The following CD1A variants were observed in gnomAD, a reference collection of about 807,000 sequenced individuals.
CD1A encodes the protein T-cell surface glycoprotein CD1a.
CD1A carries 50 observed loss-of-function variants against 38.3 expected under a neutral mutation model. The observed-to-expected ratio is 1.30, with a 90% CI of 1.04 to 1.65. The LOEUF (loss-of-function observed/expected upper bound fraction) is 1.65. CD1A is among the 40% of genes most tolerant of loss of function. CD1A has a pLI of 0.00. For missense variants in CD1A, 459 were observed against 406.1 expected, an observed-to-expected ratio of 1.13 and a Z score of -1.12; for synonymous variants, 160 against 150.8, an observed-to-expected ratio of 1.06 and a Z score of -0.45.
At chr1:158,255,882 A>G (rs757425882) in intron 2 of CD1A, 122 bp from the exon 3 acceptor site, 76 of 1,019,114 alleles carry the variant, frequency 7.5e-5, no homozygotes, top group South Asian at 5.2e-4. Flanking sequence ...CCCTGACCAA[A>G]CCAAATTTTA....
In CD1A at chr1:158,254,735, C is replaced by T. The variant is rs1191652139; in HGVS notation, c.58+8C>T. ...GTGATGGCAATGCAGACGGTAAGAA[C>T]TCTGACAACTGCCCAGTTGGGTGGT... On this transcript the variant is annotated splice_region_variant and intron_variant, in intron 1 of 5. Coordinates refer to ENST00000289429, the MANE Select transcript of CD1A (RefSeq NM_001763.3). The T allele has an allele frequency of 6.3e-7, 1 of 1,596,826 alleles. No homozygotes were observed. Among genetic ancestry groups the T allele is most frequent in the Non-Finnish European group, 8.6e-7 (1 of 1,164,562 alleles).
chr1:158,257,416 C>T lies in CD1A; in HGVS notation c.884-5C>T, dbSNP rs1650297267. ...AACATCCTTGGTGTCTCCCCAAATT[C>T]ACAGAGCATCACAGTTCCGTGGGCT... On this transcript the variant is annotated splice_polypyrimidine_tract_variant and splice_region_variant and intron_variant, in intron 4 of 5. Transcript: ENST00000289429. The T allele has an allele frequency of 1.2e-6, 2 of 1,609,966 alleles. No homozygotes were observed. The highest frequency in any genetic ancestry group is 1.3e-5 in the African/African-American group (1 of 74,810).
upstream of CD1A, chr1:158,254,031 G>A (rs12060801): frequency 2.0e-5 from 1 of 51,210 alleles, no homozygotes; most frequent in Non-Finnish European, 3.0e-5. Context: ...TGTTCCTGTG[G>A]TTTTTTTTTT....
chr1:158,249,958 G>A (rs988508471), upstream of CD1A, among the ~76,000 whole-genome samples: 3 of 152,238 alleles, frequency 2.0e-5, no homozygotes, highest in South Asian at 2.1e-4. Flanking sequence ...GTATGGAGAT[G>A]CACTTGATTC....
At position 158,255,266 on chromosome 1, in the gene CD1A, A is replaced by G. The variant is rs1365519196; in HGVS notation, c.241A>G (p.Lys81Glu). Reference protein sequence around the residue: ...SRGNFSNEEWKELETLFRIRT... With the variant: ...SRGNFSNEEWEELETLFRIRT... ...GGGAAACTTCAGCAATGAGGAGTGG[A>G]AGGAACTGGAAACATTATTCCGTAT... Residue 81 changes from lysine (K) to glutamate (E), a missense_variant, in exon 2 of 6, where the codon AAG (lysine) becomes GAG (glutamate). Physicochemically the swap from Lys to Glu is moderately conservative, Grantham distance 56. Coordinates refer to ENST00000289429, the MANE Select transcript of CD1A (RefSeq NM_001763.3). 3.7e-6 allele frequency: 6 copies of G among 1,614,024 alleles called. No individual in the cohort carries two copies. The Admixed American group carries it at 1.0e-4, about 27-fold the overall frequency.
rs1650172445 is a variant in CD1A at position 158,254,452 on chromosome 1, G to A, written c.-218G>A. The A allele has an allele frequency of 1.4e-6, 2 of 1,386,702 alleles. No individual in the cohort carries two copies. The highest frequency in any genetic ancestry group is 3.0e-5 in the South Asian group (2 of 66,082). 85.9% of individuals were successfully genotyped at this position (1,386,702 alleles called of 1,614,324 possible). ...TTGGAGGTTGGTGACAAGGAGAGAAGCTGGAACAGAGAGGAGAGTCAGAAC... is the reference window on the plus strand; with the variant it reads ...TTGGAGGTTGGTGACAAGGAGAGAAACTGGAACAGAGAGGAGAGTCAGAAC... On this transcript the variant is annotated 5_prime_UTR_variant, in exon 1 of 6. Transcript: ENST00000289429.
At chr1:158,254,784 TC>T in intron 1 of CD1A, 57 bp downstream of exon 1, 7 of 608,198 alleles carry the variant, frequency 1.2e-5, no homozygotes, top group Non-Finnish European at 1.5e-5. Flanking sequence ...TCTCTCTCTC[TC>T]TGTGTGTGTG....
chr1:158,254,437 G>A lies in CD1A; in HGVS notation c.-233G>A. On this transcript the variant is annotated 5_prime_UTR_variant, in exon 1 of 6. In the 5' UTR this introduces an upstream ATG that the reference lacks. Coordinates refer to ENST00000289429, the MANE Select transcript of CD1A (RefSeq NM_001763.3). ...GGGAAGGTGAATAAGTTGGAGGTTG[G>A]TGACAAGGAGAGAAGCTGGAACAGA... 1 of 1,363,722 alleles carries A rather than the reference G, an allele frequency of 7.3e-7. No homozygotes were observed. The highest frequency in any genetic ancestry group is 9.5e-7 in the Non-Finnish European group (1 of 1,055,534). 84.5% of individuals were successfully genotyped at this position (1,363,722 alleles called of 1,614,324 possible).
chr1:158,255,483 T>G, intron 2 of CD1A, 133 bp downstream of exon 2: 1 of 976,626 alleles, frequency 1.0e-6, no homozygotes, highest in Non-Finnish European at 1.5e-6. Flanking sequence ...AAACTGCAAT[T>G]GCATACTTTT....
chr1:158,254,002 T>G, upstream of CD1A: 1 of 184,432 alleles, frequency 5.4e-6, no homozygotes, highest in African/African-American at 2.6e-5. Flanking sequence ...ACAGAGGAAA[T>G]TTTCTTTATA....
chr1:158,249,348 G>T, the CD1A span, among the ~76,000 whole-genome samples: 7 of 152,162 alleles, frequency 4.6e-5, no homozygotes, highest in Non-Finnish European at 7.3e-5. Context: ...GATCAAGGAA[G>T]ATTCAGTGTC....
upstream of CD1A, among the ~76,000 whole-genome samples, chr1:158,251,485 T>C (rs983982764): frequency 6.6e-6 from 1 of 152,218 alleles, no homozygotes; most frequent in African/African-American, 2.4e-5. Context: ...GTTTTGTTAA[T>C]GTCTCCACTC....
chr1:158,257,577 GT>G lies in CD1A; in HGVS notation c.974+71del. 3 of 1,573,514 alleles carry G rather than the reference GT, an allele frequency of 1.9e-6. No individual in the cohort carries two copies. The East Asian group carries it at 6.7e-5, about 35-fold the overall frequency. Reference sequence around the variant, plus strand: ...CCCCACTTTTCTTCCCATGTTTTTTGTTTTTCTCTCCTCAGTTCTTCTCTCC... The same window carrying G: ...CCCCACTTTTCTTCCCATGTTTTTTGTTTTCTCTCCTCAGTTCTTCTCTCC... On this transcript the variant is annotated intron_variant, in intron 5 of 5. Coordinates refer to ENST00000289429, the MANE Select transcript of CD1A (RefSeq NM_001763.3).
At chr1:158,250,294 A>C (rs1650052575), upstream of CD1A, among the ~76,000 whole-genome samples, 1 of 152,150 alleles carries the variant, frequency 6.6e-6, no homozygotes, top group Non-Finnish European at 1.5e-5. Flanking sequence ...AAGTGATGGG[A>C]GCCAAGACCA....
upstream of CD1A, among the ~76,000 whole-genome samples, chr1:158,249,625 C>T (rs1650031820): frequency 6.6e-6 from 1 of 152,164 alleles, no homozygotes; most frequent in Non-Finnish European, 1.5e-5. Flanking sequence ...GAGAAGAGTG[C>T]TTTTAAAGGT....
chr1:158,253,555 C>T (rs1337189006), upstream of CD1A, among the ~76,000 whole-genome samples: 1 of 152,092 alleles, frequency 6.6e-6, no homozygotes, highest in Non-Finnish European at 1.5e-5. Context: ...TTGAATATCA[C>T]CTCCATAATT....
chr1:158,248,924 C>T, the CD1A span, among the ~76,000 whole-genome samples: 6 of 152,174 alleles, frequency 3.9e-5, no homozygotes, highest in Admixed American at 6.5e-5. Context: ...CTGCTGCCTG[C>T]GTCTCTGATA....
chr1:158,256,633 T>C (rs1166060729), intron 3 of CD1A, among the ~76,000 whole-genome samples, 153 bp from the exon 4 acceptor site: 1 of 151,130 alleles, frequency 6.6e-6, no homozygotes, highest in South Asian at 2.1e-4. Flanking sequence ...TTTATAATTA[T>C]GCCACTGCAT....
rs1221564125 is a variant in CD1A at position 158,257,516 on chromosome 1, G to T, written c.974+5G>T. ...GCTTTGGTTCAGGAAACGCTGGTGAGTTCTTTGCATGTGTCTTTCCTACTC... is the reference window on the plus strand; with the variant it reads ...GCTTTGGTTCAGGAAACGCTGGTGATTTCTTTGCATGTGTCTTTCCTACTC... On this transcript the variant is annotated splice_donor_5th_base_variant and intron_variant, in intron 5 of 5. Coordinates refer to ENST00000289429, the MANE Select transcript of CD1A (RefSeq NM_001763.3). The T allele has an allele frequency of 3.7e-6, 6 of 1,612,062 alleles. No homozygotes were observed. Among genetic ancestry groups the T allele is most frequent in the Non-Finnish European group, 5.1e-6 (6 of 1,178,260 alleles).
Sources: gnomAD v4.1 joint callset for allele counts (sites outside exome capture counted in the v4.1 genomes callset) on GRCh38, gnomAD v4.1.1 for gene constraint, MANE v1.5 for transcripts, NCBI Gene and HGNC (gene_info 2026-07-23, HGNC 2026-07-21) for gene names.